Variants in CCDC73 observed in about 807,000 individuals in gnomAD.
The protein encoded by CCDC73 is coiled-coil domain containing 73.
A neutral mutation model predicts 116.5 loss-of-function variants in CCDC73; 95 were observed. The ratio of observed to expected loss-of-function variants is 0.82; its 90% CI spans 0.69 to 0.97. The LOEUF (loss-of-function observed/expected upper bound fraction) is 0.97. Among genes scored for constraint, CCDC73 ranks in the 50% least tolerant of loss-of-function variants. The pLI, the probability that CCDC73 is intolerant of heterozygous loss-of-function variation, is 0.00. For synonymous variants in CCDC73, 398 were observed against 401.3 expected (o/e 0.99, Z 0.10); for missense variants, 1,066 against 1,206.8 (o/e 0.88, Z 1.73).
intron 2 of CCDC73, among the ~76,000 whole-genome samples, chr11:32,736,568 G>A (rs1442499684): frequency 6.6e-6 from 1 of 152,014 alleles, no homozygotes; most frequent in East Asian, 1.9e-4. Context: ...TGGTGGGACG[G>A]TAAACTAGTT....
chr11:32,806,771 T>C, the CCDC73 span, among the ~76,000 whole-genome samples: 2 of 152,068 alleles, frequency 1.3e-5, no homozygotes, highest in African/African-American at 4.8e-5. Context: ...TACTCAGGAT[T>C]ATGTGAGCAA....
intron 2 of CCDC73, among the ~76,000 whole-genome samples, chr11:32,746,504 A>G (rs1297647575): frequency 6.6e-6 from 1 of 152,192 alleles, no homozygotes; most frequent in Non-Finnish European, 1.5e-5. Context: ...TCTCCAGGAT[A>G]ATATCCTGAA....
chr11:32,711,539 C>G (rs903837529), intron 3 of CCDC73, among the ~76,000 whole-genome samples: 29 of 149,058 alleles, frequency 1.9e-4, no homozygotes, highest in African/African-American at 7.0e-4. Context: ...TATGTTCTCA[C>G]TCACAAGAGG....
chr11:32,697,965 C>T (rs997123459), intron 6 of CCDC73, among the ~76,000 whole-genome samples: 2 of 150,932 alleles, frequency 1.3e-5, no homozygotes, highest in Admixed American at 6.6e-5. Context: ...CCATCCTCCA[C>T]GCTCAAGTAG....
chr11:32,820,491 A>G, the CCDC73 span, among the ~76,000 whole-genome samples: 92 of 152,198 alleles, frequency 6.0e-4, no homozygotes, highest in Non-Finnish European at 9.7e-4. Context: ...TGATAAGTAG[A>G]ATATAGAAAT....
chr11:32,696,897 A>AG (rs1856316396), intron 6 of CCDC73, among the ~76,000 whole-genome samples: 1 of 149,984 alleles, frequency 6.7e-6, no homozygotes, highest in Admixed American at 6.7e-5. Context: ...TGGCCTGATC[A>AG]TGGCTCACAG....
chr11:32,703,236 T>C (rs1049831805), intron 3 of CCDC73, among the ~76,000 whole-genome samples: 1 of 152,152 alleles, frequency 6.6e-6, no homozygotes, highest in Non-Finnish European at 1.5e-5. Context: ...TACAGATGTC[T>C]GCCACCATGC....
chr11:32,701,553 A>C (rs1849813146), intron 4 of CCDC73, among the ~76,000 whole-genome samples: 1 of 152,014 alleles, frequency 6.6e-6, no homozygotes, highest in African/African-American at 2.4e-5. Flanking sequence ...TTTTAAAAAA[A>C]AATTTTTTTA....
chr11:32,710,915 A>G (rs1456641859), intron 3 of CCDC73, among the ~76,000 whole-genome samples: 1 of 152,240 alleles, frequency 6.6e-6, no homozygotes, highest in South Asian at 2.1e-4. Context: ...AAAAGAAATA[A>G]TCAGCAGAGT....
chr11:32,647,466 G>A (rs1039079732), intron 12 of CCDC73, among the ~76,000 whole-genome samples: 1 of 152,114 alleles, frequency 6.6e-6, no homozygotes, highest in South Asian at 2.1e-4. Flanking sequence ...AGATTTGGGT[G>A]GATAAATATC....
chr11:32,792,561 C>T (rs754310212), intron 1 of CCDC73, among the ~76,000 whole-genome samples: 6 of 152,224 alleles, frequency 3.9e-5, no homozygotes, highest in South Asian at 2.1e-4. Flanking sequence ...ACTAGTGCTC[C>T]CTGGAACACA....
chr11:32,718,249 T>A (rs779586205), intron 2 of CCDC73, 102 bp from the exon 3 acceptor site: 24 of 689,974 alleles, frequency 3.5e-5, no homozygotes, highest in Non-Finnish European at 5.3e-5. Flanking sequence ...ACTCCCACCT[T>A]TACAACAAGA....
intron 3 of CCDC73, among the ~76,000 whole-genome samples, chr11:32,705,981 A>T (rs890998798): frequency 1.3e-4 from 19 of 151,054 alleles, no homozygotes; most frequent in Non-Finnish European, 4.4e-5. Context: ...TTTAAAAAAT[A>T]ATACTGTCTG....
chr11:32,772,505 T>C (rs1379553025), intron 1 of CCDC73, among the ~76,000 whole-genome samples: 1 of 152,092 alleles, frequency 6.6e-6, no homozygotes, highest in Non-Finnish European at 1.5e-5. Context: ...GTATAGTATA[T>C]TGAGATAATA....
intron 1 of CCDC73, among the ~76,000 whole-genome samples, chr11:32,787,177 A>G (rs545011111): frequency 6.6e-6 from 1 of 152,340 alleles, no homozygotes; most frequent in African/African-American, 2.4e-5. Flanking sequence ...GTATTATCTT[A>G]TAAATTATAT....
the CCDC73 span, among the ~76,000 whole-genome samples, chr11:32,810,595 C>T: frequency 6.7e-6 from 1 of 150,250 alleles, no homozygotes; most frequent in Non-Finnish European, 1.5e-5. Flanking sequence ...CTTTTAGTTT[C>T]TATGCCCTGA....
chr11:32,624,288 C>T (rs995121039), intron 14 of CCDC73, among the ~76,000 whole-genome samples: 23 of 151,886 alleles, frequency 1.5e-4, no homozygotes, highest in African/African-American at 5.1e-4. Flanking sequence ...TGCAGTAAGC[C>T]GAGATGATGC....
the CCDC73 span, among the ~76,000 whole-genome samples, chr11:32,818,618 G>C: frequency 2.6e-5 from 4 of 152,182 alleles, no homozygotes; most frequent in African/African-American, 9.7e-5. Context: ...AGTGTTCATA[G>C]CAGCATTATT....
At chr11:32,702,526 T>C (rs951370586) in intron 4 of CCDC73, among the ~76,000 whole-genome samples, 1 of 152,112 alleles carries the variant, frequency 6.6e-6, no homozygotes, top group Non-Finnish European at 1.5e-5. Context: ...AGCGGTACTA[T>C]GGAAGAGGCA....
Sources: allele counts gnomAD v4.1 joint callset (sites outside exome capture counted in the v4.1 genomes callset), GRCh38; gene constraint gnomAD v4.1.1; transcripts MANE v1.5; gene names NCBI Gene and HGNC (gene_info 2026-07-23, HGNC 2026-07-21).